CD1B: variants seen among roughly 807,000 people sequenced by gnomAD.
CD1B encodes T-cell surface glycoprotein CD1b.
CD1B carries 43 observed loss-of-function variants against 39.8 expected under a neutral mutation model. The ratio of observed to expected loss-of-function variants is 1.08; its 90% CI spans 0.85 to 1.39. CD1B has a LOEUF of 1.39. CD1B is among the 40% of genes most tolerant of loss of function. The pLI is 0.00. For synonymous variants in CD1B, 192 were observed against 152.5 expected (o/e 1.26, Z -1.91); for missense variants, 495 against 403.8 (o/e 1.23, Z -1.94).
the CD1B span, among the ~76,000 whole-genome samples, chr1:158,320,747 T>A: frequency 6.6e-6 from 1 of 152,198 alleles, no homozygotes; most frequent in Non-Finnish European, 1.5e-5. Context: ...TGAAATTTTC[T>A]TTTTGATTTT....
chr1:158,302,373 T>G, the CD1B span, among the ~76,000 whole-genome samples: 88 of 151,054 alleles, frequency 5.8e-4, 1 homozygote, highest in Non-Finnish European at 3.7e-4. Flanking sequence ...ATCTCACATC[T>G]AAAGGAACTA....
the CD1B span, among the ~76,000 whole-genome samples, chr1:158,308,255 C>T: frequency 6.6e-6 from 1 of 152,074 alleles, no homozygotes; most frequent in Non-Finnish European, 1.5e-5. Context: ...AATAAAATAC[C>T]TAGGAATCCA....
the CD1B span, among the ~76,000 whole-genome samples, chr1:158,312,477 G>A: frequency 3.3e-5 from 5 of 152,132 alleles, no homozygotes; most frequent in South Asian, 2.1e-4. Flanking sequence ...TTAGCAGGAC[G>A]AAAATGAACT....
the CD1B span, among the ~76,000 whole-genome samples, chr1:158,315,961 T>G: frequency 6.6e-6 from 1 of 152,008 alleles, no homozygotes; most frequent in African/African-American, 2.4e-5. Context: ...AAAGATCAGA[T>G]AGTTGTAGAT....
the CD1B span, among the ~76,000 whole-genome samples, chr1:158,298,799 T>C: frequency 6.6e-5 from 10 of 152,200 alleles, no homozygotes; most frequent in Non-Finnish European, 1.3e-4. Flanking sequence ...AGTTCACTCA[T>C]GATTTGGCTC....
the CD1B span, among the ~76,000 whole-genome samples, chr1:158,311,381 T>A: frequency 6.6e-6 from 1 of 152,168 alleles, no homozygotes; most frequent in African/African-American, 2.4e-5. Context: ...TAACTTACTT[T>A]TTTGCCATTG....
the CD1B span, among the ~76,000 whole-genome samples, chr1:158,290,347 C>A: frequency 6.6e-6 from 1 of 152,124 alleles, no homozygotes; most frequent in Admixed American, 6.6e-5. Context: ...GTAACTGGTT[C>A]AATTTCCATT....
chr1:158,298,864 T>G, the CD1B span, among the ~76,000 whole-genome samples: 1 of 152,224 alleles, frequency 6.6e-6, no homozygotes, highest in African/African-American at 2.4e-5. Context: ...CACGTTGATT[T>G]TGTATCCTGA....
chr1:158,330,097 T>C lies in CD1B; in HGVS notation c.362A>G (p.Glu121Gly). The C allele has an allele frequency of 6.2e-7, 1 of 1,613,672 alleles. No homozygotes were observed. Among genetic ancestry groups the C allele is most frequent in the Non-Finnish European group, 8.5e-7 (1 of 1,179,786 alleles). The change falls in exon 3 of 6, where the codon GAG becomes GGG. Residue 121 changes from glutamate (E) to glycine (G), a missense_variant. By Grantham distance (98) the Glu-to-Gly change is moderately conservative. Coordinates refer to ENST00000368168, the MANE Select transcript of CD1B (RefSeq NM_001764.3). ...TACTATGGCACCTCCAGAATGTAGCTCACAGCCTGCTATGCCCTGGATCTC... is the reference window on the plus strand; with the variant it reads ...TACTATGGCACCTCCAGAATGTAGCCCACAGCCTGCTATGCCCTGGATCTC... ...PFEIQGIAGC[E>G]LHSGGAIVSF...
chr1:158,310,035 A>C, the CD1B span, among the ~76,000 whole-genome samples: 3 of 152,156 alleles, frequency 2.0e-5, no homozygotes, highest in African/African-American at 7.2e-5. Flanking sequence ...AAAAGAACAA[A>C]GCTGGAAGCA....
the CD1B span, among the ~76,000 whole-genome samples, chr1:158,297,055 C>G: frequency 6.6e-6 from 1 of 152,100 alleles, no homozygotes; most frequent in Admixed American, 6.6e-5. Context: ...ACAATTTTCT[C>G]AACTTCACTA....
chr1:158,288,043 TA>T, the CD1B span, among the ~76,000 whole-genome samples: 3 of 152,182 alleles, frequency 2.0e-5, no homozygotes, highest in Admixed American at 1.3e-4. Flanking sequence ...ATCTTTCCTG[TA>T]GGAACATGGA....
chr1:158,311,154 G>A, the CD1B span, among the ~76,000 whole-genome samples: 1 of 151,986 alleles, frequency 6.6e-6, no homozygotes, highest in Non-Finnish European at 1.5e-5. Flanking sequence ...ATCTATTTTT[G>A]TTTGTTTTGT....
At position 158,329,354 on chromosome 1, in the gene CD1B, C is replaced by T; in HGVS notation, c.886+16G>A. 2 of 1,603,844 alleles carry T rather than the reference C, an allele frequency of 1.2e-6. No individual in the cohort carries two copies. The highest frequency in any genetic ancestry group is 1.1e-5 in the South Asian group (1 of 90,146). On this transcript the variant is annotated intron_variant, in intron 4 of 5. Transcript: ENST00000368168. ...ACTTCCTGGCATTTCCAGCCTGGGT[C>T]CCTGCTATTTCTTACTCCAGTAGAG...
downstream of CD1B, among the ~76,000 whole-genome samples, chr1:158,325,478 C>T (rs968789787): frequency 6.6e-6 from 1 of 152,066 alleles, no homozygotes; most frequent in Non-Finnish European, 1.5e-5. Context: ...TAAAGCCACG[C>T]TTCTCACTAC....
At position 158,329,600 on chromosome 1, in the gene CD1B, C is replaced by G. The variant is rs137886679; in HGVS notation, c.656G>C (p.Arg219Pro). ...LSSGPSPGPG[R>P]LQLVCHVSGF... is the part of the protein sequence containing the mutation. ...TGAGACATGGCACACAAGCTGCAGA[C>G]GGCCAGGTCCAGGACTGGGGCCACT... Residue 219 changes from arginine to proline, a missense_variant, in exon 4 of 6, where the codon CGT becomes CCT. Arg to Pro is a moderately radical substitution (Grantham distance 103, BLOSUM62 -2). Transcript: ENST00000368168. The G allele has an allele frequency of 2.5e-5, 40 of 1,614,050 alleles. No individual in the cohort carries two copies. Among genetic ancestry groups the G allele is most frequent in the Non-Finnish European group, 3.4e-5 (40 of 1,180,032 alleles).
At chr1:158,304,446 C>G in the CD1B span, among the ~76,000 whole-genome samples, 2 of 152,220 alleles carry the variant, frequency 1.3e-5, no homozygotes, top group Admixed American at 6.5e-5. Flanking sequence ...CCAGGAAGCT[C>G]GAATGGGGTG....
At chr1:158,313,473 G>A in the CD1B span, among the ~76,000 whole-genome samples, 7 of 151,952 alleles carry the variant, frequency 4.6e-5, no homozygotes, top group Non-Finnish European at 8.8e-5. Context: ...ACCATTTTTG[G>A]CTAATATTTG....
chr1:158,331,461 T>A lies in CD1B; in HGVS notation c.-38A>T. 6.4e-7 allele frequency: 1 copy of A among 1,555,396 alleles called. No homozygotes were observed. The highest frequency in any genetic ancestry group is 8.9e-7 in the Non-Finnish European group (1 of 1,127,634). On this transcript the variant is annotated 5_prime_UTR_variant, in exon 1 of 6. Coordinates refer to ENST00000368168, the MANE Select transcript of CD1B (RefSeq NM_001764.3). ...TGCAACTTCTTACTGGCAGAGCTGG[T>A]ATTTGATCTCCAATTTCAGCAAAGC... is the stretch of plus-strand genomic sequence containing the variant.
Sources: allele counts gnomAD v4.1 joint callset (sites outside exome capture counted in the v4.1 genomes callset), GRCh38; gene constraint gnomAD v4.1.1; transcripts MANE v1.5; gene names NCBI Gene and HGNC (gene_info 2026-07-23, HGNC 2026-07-21).